GOLGA3: variants seen among roughly 807,000 people sequenced by gnomAD.
GOLGA3 encodes golgin subfamily A member 3.
In GOLGA3, 75 loss-of-function variants were observed where a neutral mutation model predicts 169.4. That is an observed-to-expected ratio of 0.44 (90% CI 0.37 to 0.54). The LOEUF (loss-of-function observed/expected upper bound fraction) is 0.54. Ranked by LOEUF, GOLGA3 falls within the 20% of genes least tolerant of loss-of-function variation. The pLI is 0.00. For synonymous variants in GOLGA3, 824 were observed against 822.4 expected (o/e 1.00, Z -0.03); for missense variants, 1,899 against 1,930.0 (o/e 0.98, Z 0.30).
At chr12:132,781,210 G>A (rs559599686) in intron 17 of GOLGA3, among the ~76,000 whole-genome samples, 140 of 71,478 alleles carry the variant, frequency 2.0e-3, no homozygotes, top group Middle Eastern at 0.011. Context: ...TGGTACCACC[G>A]CAGTGCCCTC....
In GOLGA3 at chr12:132,777,099, A is replaced by C; in HGVS notation, c.3723-9T>G. 3 of 1,569,520 alleles carry C rather than the reference A, an allele frequency of 1.9e-6. No individual in the cohort carries two copies. Among genetic ancestry groups the C allele is most frequent in the Non-Finnish European group, 2.6e-6 (3 of 1,161,080 alleles). Reference sequence around the variant, plus strand: ...GTTTCCCCTCCCGAATCCTAGCGTAAAAAAACAAGAAAGAAGGGAATCGCC... The same window carrying C: ...GTTTCCCCTCCCGAATCCTAGCGTACAAAAACAAGAAAGAAGGGAATCGCC... On this transcript the variant is annotated splice_polypyrimidine_tract_variant and intron_variant, in intron 19 of 23. Coordinates refer to ENST00000450791, the MANE Select transcript of GOLGA3 (RefSeq NM_001389683.1). The surrounding 1 kb of genome is among the most constrained non-coding windows in gnomAD (Gnocchi z 4.7).
At chr12:132,803,646 CAA>C (rs1949240473) in intron 7 of GOLGA3, among the ~76,000 whole-genome samples, 1 of 151,750 alleles carries the variant, frequency 6.6e-6, no homozygotes, top group Admixed American at 6.6e-5. Flanking sequence ...AAAGCGATTA[CAA>C]GAGTACTACT....
At chr12:132,827,363 G>A (rs1950465317) in intron 1 of GOLGA3, among the ~76,000 whole-genome samples, 1 of 152,194 alleles carries the variant, frequency 6.6e-6, no homozygotes, top group Admixed American at 6.5e-5. Context: ...CAGGACTCCG[G>A]CCTCAGCTCC....
Position 132,821,938 on chromosome 12 carries a change from T to TCCTC in GOLGA3, c.133+54_133+57dup. Reference sequence around the variant, plus strand: ...CGCCACATCCTCCCTCAACACCACGTCCTCCCTCAACACCAGGTCCTCCTG... The same window carrying TCCTC: ...CGCCACATCCTCCCTCAACACCACGTCCTCCCTCCCTCAACACCAGGTCCTCCTG... On this transcript the variant is annotated intron_variant, in intron 2 of 23. Transcript: ENST00000450791. 3.6e-6 allele frequency: 4 copies of TCCTC among 1,124,022 alleles called. No homozygotes were observed. The Admixed American group carries it at 1.0e-4, about 29-fold the overall frequency. The allele number at this position is 1,124,022 out of a possible 1,614,324, so 69.6% of individuals were successfully genotyped here. A position where few individuals can be genotyped will look rare whatever the true frequency, so the allele number is the denominator to read the frequency against.
intron 8 of GOLGA3, among the ~76,000 whole-genome samples, chr12:132,800,350 C>T (rs184141905): frequency 4.0e-4 from 61 of 152,082 alleles, no homozygotes; most frequent in African/African-American, 1.2e-3. Flanking sequence ...AAAAATTAGC[C>T]GGGCATGGTG....
chr12:132,795,113 G>A (rs573439577), intron 11 of GOLGA3, among the ~76,000 whole-genome samples: 16 of 151,750 alleles, frequency 1.1e-4, no homozygotes, highest in African/African-American at 2.2e-4. Flanking sequence ...CTTGAACCCC[G>A]GAGGCAGAGG....
At chr12:132,792,866 A>C (rs1283532663) in intron 11 of GOLGA3, among the ~76,000 whole-genome samples, 2 of 121,010 alleles carry the variant, frequency 1.7e-5, no homozygotes, top group African/African-American at 3.3e-5. Context: ...CTGCACTCGG[A>C]GGGCTCCACA....
At chr12:132,802,111 A>G in intron 7 of GOLGA3, 142 bp from the exon 8 acceptor site, 1 of 664,624 alleles carries the variant, frequency 1.5e-6, no homozygotes, top group Non-Finnish European at 2.6e-6. Flanking sequence ...AGCTGACTCC[A>G]TGAAGTCGCC....
Position 132,807,924 on chromosome 12 carries a change from T to A in GOLGA3, c.1145A>T (p.Glu382Val), listed in dbSNP as rs1205298817. The stretch of plus-strand genomic sequence containing the variant: ...GATGCTGTCTCTCCGACTCCGCACC[T>A]CCCCGTTGACCTCCTGCCCCTGGTC... ...HQDQGQEVNG[E>V]VRSRRDSICS... Residue 382 changes from glutamate to valine, a missense_variant, in exon 5 of 24, where the codon GAG (glutamate) becomes GTG (valine). Glu to Val is a moderately radical substitution (Grantham distance 121). Transcript: ENST00000450791. 1 of 1,452,412 alleles carries A rather than the reference T, an allele frequency of 6.9e-7. No homozygotes were observed. Among genetic ancestry groups the A allele is most frequent in the Non-Finnish European group, 9.3e-7 (1 of 1,080,612 alleles). The allele number at this position is 1,452,412 out of a possible 1,614,324, so 90.0% of individuals were successfully genotyped here.
intron 2 of GOLGA3, among the ~76,000 whole-genome samples, chr12:132,821,482 G>A (rs1950210972): frequency 6.6e-6 from 1 of 152,000 alleles, no homozygotes; most frequent in Admixed American, 6.6e-5. Flanking sequence ...AAACACTGCT[G>A]CTGCCCCACA....
Position 132,808,482 on chromosome 12 carries a change from T to C in GOLGA3, c.587A>G (p.Glu196Gly). The change falls in exon 5 of 24, where the codon GAA (glutamate) becomes GGA (glycine). Residue 196 changes from glutamate to glycine, a missense_variant. Transcript: ENST00000450791. Reference protein sequence around the residue: ...TLDPELMLNPENLPRASTLAM... With the variant: ...TLDPELMLNPGNLPRASTLAM... ...CAGGGTACTGGCCCTTGGTAAGTTT[T>C]CTGGGTTTAACATGAGCTCAGGATC... The C allele has an allele frequency of 6.2e-7, 1 of 1,614,040 alleles. No individual in the cohort carries two copies. Among genetic ancestry groups the C allele is most frequent in the Non-Finnish European group, 8.5e-7 (1 of 1,179,944 alleles).
intron 2 of GOLGA3, among the ~76,000 whole-genome samples, chr12:132,818,147 T>A (rs1341447654): frequency 1.5e-3 from 169 of 111,194 alleles, no homozygotes; most frequent in African/African-American, 4.2e-3. Flanking sequence ...CACCCTCCAC[T>A]CCTCCATGCT....
At chr12:132,785,584 A>G (rs74531549) in intron 15 of GOLGA3, among the ~76,000 whole-genome samples, 1 of 152,020 alleles carries the variant, frequency 6.6e-6, no homozygotes, top group Non-Finnish European at 1.5e-5. Context: ...AAGCGCTGGG[A>G]TTATAGGTGT....
In GOLGA3 at chr12:132,775,310, G is replaced by A. The variant is rs946962720; in HGVS notation, c.3979-5C>T. 3 of 1,591,758 alleles carry A rather than the reference G, an allele frequency of 1.9e-6. No homozygotes were observed. Among genetic ancestry groups the A allele is most frequent in the Non-Finnish European group, 2.6e-6 (3 of 1,170,416 alleles). ...CTCCAACTCAGACTTGACGTTCTGTGGAAAATGAAGTCAGATTTTTAAAAG... is the reference window on the plus strand; with the variant it reads ...CTCCAACTCAGACTTGACGTTCTGTAGAAAATGAAGTCAGATTTTTAAAAG... On this transcript the variant is annotated splice_region_variant and splice_polypyrimidine_tract_variant and intron_variant, in intron 21 of 23. Coordinates refer to ENST00000450791, the MANE Select transcript of GOLGA3 (RefSeq NM_001389683.1).
chr12:132,787,120 A>G (rs997143945), intron 13 of GOLGA3, among the ~76,000 whole-genome samples: 1 of 151,876 alleles, frequency 6.6e-6, no homozygotes, highest in Non-Finnish European at 1.5e-5. Flanking sequence ...TGCCCAGCTA[A>G]TTTTTGTATT....
chr12:132,796,437 G>A (rs1271372120), intron 10 of GOLGA3, 102 bp downstream of exon 10: 9 of 1,350,874 alleles, frequency 6.7e-6, no homozygotes, highest in African/African-American at 2.9e-5. Flanking sequence ...CTGAGCGGAC[G>A]TGGCCCCACA....
chr12:132,784,381 A>C, intron 15 of GOLGA3, 74 bp from the exon 16 acceptor site: 1 of 1,282,638 alleles, frequency 7.8e-7, no homozygotes, highest in Non-Finnish European at 1.1e-6. Context: ...TGGTGCCGGC[A>C]GGCATGAGGC....
rs987580785 is a variant in GOLGA3, at chr12:132,772,730, G to C, written c.*375C>G. On this transcript the variant is annotated 3_prime_UTR_variant, in exon 24 of 24. Transcript: ENST00000450791. ...GGAAGTGAGAAACTGCAGCCGGCCT[G>C]GCCAGGCGCGGTGCCGCAGACCCTG... is the stretch of plus-strand genomic sequence containing the variant. 6 of 181,466 alleles carry C rather than the reference G, an allele frequency of 3.3e-5. No individual in the cohort carries two copies. The highest frequency in any genetic ancestry group is 4.6e-5 in the Non-Finnish European group (4 of 87,140). The allele number at this position is 181,466 out of a possible 1,614,324, so 11.2% of individuals were successfully genotyped here.
Position 132,822,206 on chromosome 12 carries a change from A to C in GOLGA3, c.-78T>G. 6.6e-7 allele frequency: 1 copy of C among 1,518,482 alleles called. No individual in the cohort carries two copies. 94.1% of individuals were successfully genotyped at this position (1,518,482 alleles called of 1,614,324 possible). On this transcript the variant is annotated 5_prime_UTR_variant, in exon 2 of 24. Transcript: ENST00000450791. ...GACAAGCTTGGCTTCTGCCATCAGC[A>C]ACAGCCAAGAGCTCCTGGGAGGGGC...
Sources: allele counts gnomAD v4.1 joint callset (sites outside exome capture counted in the v4.1 genomes callset), GRCh38; gene constraint gnomAD v4.1.1; non-coding constraint Gnocchi (gnomAD v3.1); transcripts MANE v1.5; gene names NCBI Gene and HGNC (gene_info 2026-07-23, HGNC 2026-07-21).